GRID2: variants seen among roughly 807,000 people sequenced by gnomAD.
GRID2 encodes glutamate receptor ionotropic, delta-2.
In GRID2, 33 loss-of-function variants were observed where a neutral mutation model predicts 114.8. That is an observed-to-expected ratio of 0.29 (90% confidence interval 0.22 to 0.38). The LOEUF (loss-of-function observed/expected upper bound fraction) is 0.38. Ranked by LOEUF, GRID2 falls within the 10% of genes least tolerant of loss-of-function variation. The pLI, the probability that GRID2 is intolerant of heterozygous loss-of-function variation, is 1.00. For synonymous variants in GRID2, 505 were observed against 449.9 expected (o/e 1.12, Z -1.55); for missense variants, 1,184 against 1,257.7 (o/e 0.94, Z 0.89).
At chr4:93,274,030 G>A (rs947637047) in intron 8 of GRID2, among the ~76,000 whole-genome samples, 4 of 135,690 alleles carry the variant, frequency 2.9e-5, no homozygotes, top group African/African-American at 1.2e-4. Context: ...TTTATGATTA[G>A]CATCTTTGAA....
chr4:93,272,037 T>G (rs1375525713), intron 8 of GRID2, among the ~76,000 whole-genome samples: 1 of 152,146 alleles, frequency 6.6e-6, no homozygotes, highest in Non-Finnish European at 1.5e-5. Context: ...GGTTTTAAGT[T>G]AGGACCAGAA....
intron 1 of GRID2, among the ~76,000 whole-genome samples, chr4:92,582,922 G>A (rs143100529): frequency 6.6e-6 from 1 of 151,994 alleles, no homozygotes; most frequent in East Asian, 1.9e-4. Flanking sequence ...GGGAGATTGA[G>A]ACTGCAGTGA....
intron 2 of GRID2, among the ~76,000 whole-genome samples, chr4:92,729,708 G>A (rs1736239380): frequency 6.6e-6 from 1 of 151,954 alleles, no homozygotes; most frequent in Non-Finnish European, 1.5e-5. Context: ...AAAAATGTAA[G>A]CTAGTTTACC....
chr4:93,667,120 C>T (rs778514880), intron 14 of GRID2, among the ~76,000 whole-genome samples: 28 of 151,908 alleles, frequency 1.8e-4, no homozygotes, highest in Non-Finnish European at 3.5e-4. Flanking sequence ...TAGCATATTC[C>T]AACTGATTGA....
At chr4:92,559,035 C>T (rs543511939) in intron 1 of GRID2, among the ~76,000 whole-genome samples, 40 of 152,256 alleles carry the variant, frequency 2.6e-4, no homozygotes, top group African/African-American at 9.4e-4. Context: ...TTTATATGCA[C>T]CTTACTCTAT....
chr4:93,051,530 C>T (rs1726712113), intron 2 of GRID2, among the ~76,000 whole-genome samples: 1 of 151,964 alleles, frequency 6.6e-6, no homozygotes, highest in Non-Finnish European at 1.5e-5. Context: ...TTGTGATTCC[C>T]TCAACTTTAC....
intron 4 of GRID2, among the ~76,000 whole-genome samples, chr4:93,190,179 TG>T (rs1468045308): frequency 6.6e-6 from 1 of 152,160 alleles, no homozygotes; most frequent in Non-Finnish European, 1.5e-5. Context: ...CTAACACTTT[TG>T]TTTTTTATTA....
intron 1 of GRID2, among the ~76,000 whole-genome samples, chr4:92,400,602 C>T (rs1247707931): frequency 6.6e-6 from 1 of 152,070 alleles, no homozygotes; most frequent in East Asian, 1.9e-4. Flanking sequence ...CCTATATTTT[C>T]AATTACCTTA....
chr4:92,321,942 G>A (rs1029090351), intron 1 of GRID2, among the ~76,000 whole-genome samples: 1 of 152,102 alleles, frequency 6.6e-6, no homozygotes, highest in Non-Finnish European at 1.5e-5. Flanking sequence ...CACCTCATCT[G>A]TTATATGGAT....
At chr4:93,691,429 A>G (rs568346928) in intron 14 of GRID2, among the ~76,000 whole-genome samples, 1 of 152,132 alleles carries the variant, frequency 6.6e-6, no homozygotes, top group East Asian at 1.9e-4. Context: ...TATTTTAAGC[A>G]TAAAACCAAG....
At chr4:92,812,132 C>G (rs1026522373) in intron 2 of GRID2, among the ~76,000 whole-genome samples, 20 of 152,190 alleles carry the variant, frequency 1.3e-4, no homozygotes, top group African/African-American at 4.3e-4. Flanking sequence ...TTAGCAATAG[C>G]TTATTAGGAA....
chr4:92,749,853 T>TATTG (rs113146808), intron 2 of GRID2, among the ~76,000 whole-genome samples: 1,636 of 151,940 alleles, frequency 0.011, 9 homozygotes, highest in Middle Eastern at 0.034. Flanking sequence ...CCTCACATTT[T>TATTG]ATTGATTGAT....
chr4:93,228,178 A>G (rs1345178780), intron 7 of GRID2, among the ~76,000 whole-genome samples: 1 of 152,102 alleles, frequency 6.6e-6, no homozygotes, highest in Non-Finnish European at 1.5e-5. Context: ...TGGACTTCGT[A>G]GTTTATTAAG....
chr4:93,214,674 G>T (rs1743976299), intron 5 of GRID2, among the ~76,000 whole-genome samples: 2 of 151,930 alleles, frequency 1.3e-5, no homozygotes, highest in African/African-American at 4.8e-5. Flanking sequence ...ATATATTTTA[G>T]TTGTTTAGGT....
intron 2 of GRID2, among the ~76,000 whole-genome samples, chr4:92,675,925 C>G (rs913540836): frequency 6.6e-6 from 1 of 151,828 alleles, no homozygotes; most frequent in Non-Finnish European, 1.5e-5. Flanking sequence ...TGGAGGTCAC[C>G]TAATATGTTT....
intron 8 of GRID2, among the ~76,000 whole-genome samples, chr4:93,278,296 A>G (rs1752280374): frequency 6.6e-6 from 1 of 151,602 alleles, no homozygotes; most frequent in Non-Finnish European, 1.5e-5. Context: ...ATTCGGTGAG[A>G]CAAGACACCT....
At chr4:92,835,369 G>A (rs1450800453) in intron 2 of GRID2, among the ~76,000 whole-genome samples, 1 of 152,128 alleles carries the variant, frequency 6.6e-6, no homozygotes, top group Non-Finnish European at 1.5e-5. Context: ...TAAGCTAAAA[G>A]TAGCTAGCAG....
rs138198739 is a variant in GRID2 at position 93,601,940 on chromosome 4, G to T, written c.2194-24329G>T. Among the ~76,000 whole-genome samples the T allele has an allele frequency of 1.6e-3, 245 of 152,234 alleles. 1 individual carries two copies. Among genetic ancestry groups the T allele is most frequent in the African/African-American group, 5.7e-3 (235 of 41,544 alleles). On this transcript the variant is annotated intron_variant, in intron 13 of 15. Transcript: ENST00000282020. ...AATTGTGACAACTGATCACCATATA[G>T]TTTCTTTTTAATGACCTTGTGTAAT...
intron 2 of GRID2, among the ~76,000 whole-genome samples, chr4:93,041,059 A>T (rs972568480): frequency 2.0e-5 from 3 of 152,176 alleles, no homozygotes; most frequent in Non-Finnish European, 1.5e-5. Flanking sequence ...ACACAACAGA[A>T]TTTGAAAGCT....
Sources: allele counts gnomAD v4.1 joint callset (sites outside exome capture counted in the v4.1 genomes callset), GRCh38; gene constraint gnomAD v4.1.1; transcripts MANE v1.5; gene names NCBI Gene and HGNC (gene_info 2026-07-23, HGNC 2026-07-21).